DERL1: variants seen among roughly 807,000 people sequenced by gnomAD.
The protein encoded by DERL1 is derlin 1.
A neutral mutation model predicts 41.6 loss-of-function variants in DERL1; 24 were observed. The ratio of observed to expected loss-of-function variants is 0.58; its 90% CI spans 0.42 to 0.81. The LOEUF (loss-of-function observed/expected upper bound fraction) is 0.81. Ranked by LOEUF, DERL1 falls within the 30% of genes least tolerant of loss-of-function variation. The pLI is 0.00. For missense variants in DERL1, 260 were observed against 314.3 expected, an observed-to-expected ratio of 0.83 and a Z score of 1.31; for synonymous variants, 124 against 112.5, an observed-to-expected ratio of 1.10 and a Z score of -0.65.
chr8:123,028,090 A>G (rs1241344074), intron 2 of DERL1, among the ~76,000 whole-genome samples: 1 of 151,124 alleles, frequency 6.6e-6, no homozygotes, highest in African/African-American at 2.4e-5. Flanking sequence ...AAAAGTGGCC[A>G]TGGAATTATT....
At chr8:123,040,549 T>TG (rs1240473322) in intron 1 of DERL1, among the ~76,000 whole-genome samples, 2 of 152,126 alleles carry the variant, frequency 1.3e-5, no homozygotes, top group Non-Finnish European at 2.9e-5. Flanking sequence ...TGAAAGGACT[T>TG]GGATTTTACT....
chr8:123,018,961 T>C (rs555472111), intron 7 of DERL1: 2 of 514,294 alleles, frequency 3.9e-6, no homozygotes, highest in East Asian at 3.5e-5. Flanking sequence ...TCCTGTAATG[T>C]TGGAATCTAG....
chr8:123,036,911 G>A (rs1269044146), intron 1 of DERL1, among the ~76,000 whole-genome samples: 1 of 152,162 alleles, frequency 6.6e-6, no homozygotes, highest in Non-Finnish European at 1.5e-5. Flanking sequence ...GCAAATATAA[G>A]CACAAGGCTG....
At chr8:123,024,642 CCA>C (rs1468733436) in intron 3 of DERL1, among the ~76,000 whole-genome samples, 85 of 152,294 alleles carry the variant, frequency 5.6e-4, no homozygotes, top group African/African-American at 1.9e-3. Flanking sequence ...CTGATAAGGA[CCA>C]CAGATTTCAA....
Position 123,039,522 on chromosome 8 carries a change from C to T in DERL1, c.153+2448G>A, listed in dbSNP as rs59869403. 8.4e-4 allele frequency among the ~76,000 whole-genome samples: 128 copies of T among 152,354 alleles called. 1 individual carries two copies. The East Asian group carries it at 0.023, about 27-fold the overall frequency. ...GTCTTCTTCCTGTTCCCAGCTCCTA[C>T]TTCTGAGCCTTTCACTTACTAGTCC... On this transcript the variant is annotated intron_variant, in intron 1 of 7. Coordinates refer to ENST00000259512, the MANE Select transcript of DERL1 (RefSeq NM_024295.6).
intron 1 of DERL1, among the ~76,000 whole-genome samples, chr8:123,032,848 T>C (rs1243425816): frequency 6.7e-6 from 1 of 149,464 alleles, no homozygotes; most frequent in Non-Finnish European, 1.5e-5. Context: ...ATCAAGTTAT[T>C]TTAATTTCTA....
intron 6 of DERL1, 94 bp from the exon 7 acceptor site, chr8:123,019,399 G>A (rs1814696050): frequency 1.2e-6 from 1 of 849,228 alleles, no homozygotes; most frequent in Non-Finnish European, 1.9e-6. Context: ...CTTCAAGGCA[G>A]CCCATTTAGT....
intron 3 of DERL1, among the ~76,000 whole-genome samples, chr8:123,024,700 C>T (rs945389480): frequency 1.3e-5 from 2 of 152,170 alleles, no homozygotes; most frequent in African/African-American, 4.8e-5. Context: ...AGTCAACAAG[C>T]TGTCACACAT....
chr8:123,035,489 T>C (rs1748943861), intron 1 of DERL1, among the ~76,000 whole-genome samples: 1 of 152,138 alleles, frequency 6.6e-6, no homozygotes, highest in Admixed American at 6.6e-5. Flanking sequence ...TTTTCAACCC[T>C]GGAAAGCCTA....
Position 123,024,377 on chromosome 8 carries a change from C to T in DERL1, c.330+609G>A, listed in dbSNP as rs906643979. ...GCCCTCAGCCAAGTTTAAATGGCAG[C>T]TGAGCCCAAAGGCAATTTTGAGCTC... On this transcript the variant is annotated intron_variant, in intron 3 of 7. Coordinates refer to ENST00000259512, the MANE Select transcript of DERL1 (RefSeq NM_024295.6). 3.9e-5 allele frequency among the ~76,000 whole-genome samples: 6 copies of T among 152,182 alleles called. No homozygotes were observed. In the South Asian group the frequency reaches 6.2e-4, roughly 16 times the overall value.
intron 4 of DERL1, 117 bp from the exon 5 acceptor site, chr8:123,022,896 C>T: frequency 3.0e-6 from 2 of 675,712 alleles, no homozygotes; most frequent in Non-Finnish European, 5.3e-6. Context: ...TAAAGGGAAA[C>T]TCAACTGATC....
In DERL1 at chr8:123,017,488, T is replaced by C. The variant is rs1814607044; in HGVS notation, c.617+1707A>G. ...TGCTTAAGTAGATAGTGAAATTAAA[T>C]GCAAATAATTAGTATAAAAAGATAC... On this transcript the variant is annotated intron_variant, in intron 7 of 7. Coordinates refer to ENST00000259512, the MANE Select transcript of DERL1 (RefSeq NM_024295.6). 2 of 152,172 alleles carry C rather than the reference T, an allele frequency of 1.3e-5. 1 individual carries two copies. The highest frequency in any genetic ancestry group is 4.1e-4 in the South Asian group (2 of 4,834). 9.4% of individuals were successfully genotyped at this position (152,172 alleles called of 1,614,324 possible).
In DERL1 at chr8:123,013,331, T is replaced by G. The variant is rs1454058425; in HGVS notation, c.*2116A>C. 5 of 152,222 alleles carry G rather than the reference T, an allele frequency of 3.3e-5. No homozygotes were observed. The highest frequency in any genetic ancestry group is 2.6e-4 in the Admixed American group (4 of 15,280). The allele number at this position is 152,222 out of a possible 1,614,324, so 9.4% of individuals were successfully genotyped here. On this transcript the variant is annotated 3_prime_UTR_variant, in exon 8 of 8. Coordinates refer to ENST00000259512, the MANE Select transcript of DERL1 (RefSeq NM_024295.6). ...GACAGCAGAGCAGGGACATGGAAACTTAACACAGACAACCTTCAAGTTGCA... is the reference window on the plus strand; with the variant it reads ...GACAGCAGAGCAGGGACATGGAAACGTAACACAGACAACCTTCAAGTTGCA...
chr8:123,039,835 C>T (rs1813004838), intron 1 of DERL1, among the ~76,000 whole-genome samples: 1 of 152,204 alleles, frequency 6.6e-6, no homozygotes, highest in East Asian at 1.9e-4. Flanking sequence ...TTCCAGGTAA[C>T]AAGGACAGTG....
chr8:123,023,891 G>A (rs939713134), intron 3 of DERL1, 152 bp from the exon 4 acceptor site: 4 of 739,384 alleles, frequency 5.4e-6, no homozygotes, highest in Non-Finnish European at 8.2e-6. Context: ...GCCAAGATGG[G>A]AGGACTGCTT....
Position 123,041,907 on chromosome 8 carries a change from G to C in DERL1, c.153+63C>G, listed in dbSNP as rs549368455. The C allele has an allele frequency of 2.4e-5, 36 of 1,495,766 alleles. No homozygotes were observed. In the African/African-American group the frequency reaches 4.6e-4, roughly 19 times the overall value. The allele number at this position is 1,495,766 out of a possible 1,614,324, so 92.7% of individuals were successfully genotyped here. ...GCGCGCCCGCAACATGCCAGCCTAC[G>C]CTTAGCCGCCGCTGGGCCTCCTGGG... On this transcript the variant is annotated intron_variant, in intron 1 of 7. Transcript: ENST00000259512.
intron 2 of DERL1, chr8:123,030,162 G>A (rs191914291): frequency 6.5e-6 from 1 of 153,598 alleles, no homozygotes; most frequent in African/African-American, 2.4e-5. Flanking sequence ...TTAGAGTTGA[G>A]TTTTTCAATT....
At chr8:123,021,580 G>A in intron 5 of DERL1, 81 bp from the exon 6 acceptor site, 1 of 1,257,890 alleles carries the variant, frequency 7.9e-7, no homozygotes, top group Non-Finnish European at 1.2e-6. Flanking sequence ...AAGTGGGTAA[G>A]GATACACTGA....
intron 2 of DERL1, among the ~76,000 whole-genome samples, chr8:123,030,061 AAAT>A (rs796322886): frequency 1.1e-4 from 16 of 150,934 alleles, no homozygotes; most frequent in Admixed American, 2.6e-4. Context: ...TTGTCTCAAA[AAAT>A]AAATAAATAA....
Sources: gnomAD v4.1 joint callset for allele counts (sites outside exome capture counted in the v4.1 genomes callset) on GRCh38, gnomAD v4.1.1 for gene constraint, MANE v1.5 for transcripts, NCBI Gene and HGNC (gene_info 2026-07-23, HGNC 2026-07-21) for gene names.